The following COL25A1 variants were observed in gnomAD, a reference collection of about 807,000 sequenced individuals.
The protein encoded by COL25A1 is collagen type XXV alpha 1 chain.
In COL25A1, 103 loss-of-function variants were observed where a neutral mutation model predicts 128.4. The observed-to-expected ratio is 0.80, with a 90% CI of 0.68 to 0.94. The LOEUF is 0.94. Among genes scored for constraint, COL25A1 ranks in the 40% least tolerant of loss-of-function variants. COL25A1 has a pLI of 0.00. For missense variants in COL25A1, 745 were observed against 840.0 expected, an observed-to-expected ratio of 0.89 and a Z score of 1.40; for synonymous variants, 279 against 277.2, an observed-to-expected ratio of 1.01 and a Z score of -0.06.
intron 37 of COL25A1, 39 bp downstream of exon 37, chr4:108,817,358 G>A (rs1436775046): frequency 1.2e-6 from 2 of 1,602,024 alleles, no homozygotes; most frequent in South Asian, 1.1e-5. Flanking sequence ...AAGAGAAAGG[G>A]AGAGTGCTTC....
At chr4:108,981,651 T>C (rs543270728) in intron 6 of COL25A1, among the ~76,000 whole-genome samples, 6 of 152,302 alleles carry the variant, frequency 3.9e-5, no homozygotes, top group Non-Finnish European at 7.4e-5. Flanking sequence ...CCGATGCAGA[T>C]TGAAATCCTG....
intron 3 of COL25A1, among the ~76,000 whole-genome samples, chr4:109,124,096 T>C (rs80206727): frequency 0.032 from 4,880 of 152,228 alleles, 142 homozygotes; most frequent in South Asian, 0.12. Context: ...CTACTTTCTA[T>C]TATTTTACTA....
At chr4:108,969,704 A>G (rs1053993134) in intron 8 of COL25A1, among the ~76,000 whole-genome samples, 1 of 151,936 alleles carries the variant, frequency 6.6e-6, no homozygotes, top group South Asian at 2.1e-4. Flanking sequence ...CTTGCCTCCA[A>G]TGATACCTGA....
intron 3 of COL25A1, among the ~76,000 whole-genome samples, chr4:109,090,706 T>C (rs1579332862): frequency 7.6e-6 from 1 of 131,546 alleles, no homozygotes; most frequent in Admixed American, 1.1e-4. Context: ...AACTGGAATA[T>C]TATCAGTTTA....
chr4:109,019,193 T>C (rs1757471536), intron 5 of COL25A1, among the ~76,000 whole-genome samples: 2 of 151,924 alleles, frequency 1.3e-5, no homozygotes. Flanking sequence ...CCTCCTGCAC[T>C]GGATGCTTCC....
rs148162803 is a variant in COL25A1, at chr4:108,988,803, C to T, written c.439-14244G>A. 2.6e-5 allele frequency among the ~76,000 whole-genome samples: 4 copies of T among 152,370 alleles called. No individual in the cohort carries two copies. In the East Asian group the frequency reaches 7.7e-4, roughly 29 times the overall value. On this transcript the variant is annotated intron_variant, in intron 6 of 37. Coordinates refer to ENST00000399132, the MANE Select transcript of COL25A1 (RefSeq NM_198721.4). ...CACATGCTCACCATTTCTCCCTTAG[C>T]TTCACTGGCAACACTTTTCCTCTGG...
At chr4:109,048,024 G>A (rs1248366696) in intron 5 of COL25A1, 144 bp downstream of exon 5, 21 of 876,398 alleles carry the variant, frequency 2.4e-5, no homozygotes, top group East Asian at 1.7e-4. Context: ...GAGCCACCGC[G>A]ACTGACCACT....
intron 6 of COL25A1, among the ~76,000 whole-genome samples, chr4:108,984,343 A>C (rs561579197): frequency 6.6e-6 from 1 of 152,318 alleles, no homozygotes; most frequent in African/African-American, 2.4e-5. Flanking sequence ...TGGATCCCGC[A>C]CAGGGGCTGC....
At chr4:109,036,621 T>C (rs1197987366) in intron 5 of COL25A1, among the ~76,000 whole-genome samples, 1 of 152,186 alleles carries the variant, frequency 6.6e-6, no homozygotes, top group Non-Finnish European at 1.5e-5. Context: ...ATATAGGGCA[T>C]ATTGAATAAT....
At chr4:109,198,459 T>C (rs552002690) in intron 3 of COL25A1, among the ~76,000 whole-genome samples, 35 of 152,354 alleles carry the variant, frequency 2.3e-4, no homozygotes, top group Middle Eastern at 3.4e-3. Context: ...AAAGGAACTT[T>C]ATTAATACTG....
At chr4:108,887,187 C>T (rs1288948) in intron 18 of COL25A1, among the ~76,000 whole-genome samples, 1,636 of 152,176 alleles carry the variant, frequency 0.011, 31 homozygotes, top group African/African-American at 0.037. Flanking sequence ...AACTCTCATG[C>T]TGAAAAAGAC....
At chr4:109,139,741 T>C (rs890025466) in intron 3 of COL25A1, among the ~76,000 whole-genome samples, 46 of 152,264 alleles carry the variant, frequency 3.0e-4, no homozygotes, top group Admixed American at 9.8e-4. Context: ...GTTACATATG[T>C]ATACATGTGC....
chr4:108,831,177 T>C (rs983478154), intron 32 of COL25A1, among the ~76,000 whole-genome samples: 2 of 151,772 alleles, frequency 1.3e-5, no homozygotes, highest in African/African-American at 4.8e-5. Flanking sequence ...TTTTGCAGCA[T>C]TCAGTATATA....
chr4:109,087,443 TG>T (rs1284776686), intron 3 of COL25A1, among the ~76,000 whole-genome samples: 1 of 152,110 alleles, frequency 6.6e-6, no homozygotes, highest in African/African-American at 2.4e-5. Flanking sequence ...GCCTAACTCA[TG>T]CCTTGAAATC....
At chr4:109,029,514 ATATAGT>A (rs1333961988) in intron 5 of COL25A1, among the ~76,000 whole-genome samples, 1 of 152,184 alleles carries the variant, frequency 6.6e-6, no homozygotes, top group Non-Finnish European at 1.5e-5. Flanking sequence ...TTATGGTAGT[ATATAGT>A]TATAATTGTT....
chr4:109,044,248 A>T (rs1760207977), intron 5 of COL25A1, among the ~76,000 whole-genome samples: 1 of 152,132 alleles, frequency 6.6e-6, no homozygotes, highest in Non-Finnish European at 1.5e-5. Flanking sequence ...AAATGATCTC[A>T]ATATGCAAGA....
At chr4:109,103,410 C>T (rs948275778) in intron 3 of COL25A1, among the ~76,000 whole-genome samples, 7 of 152,120 alleles carry the variant, frequency 4.6e-5, no homozygotes, top group African/African-American at 1.4e-4. Flanking sequence ...TTATTCTGCA[C>T]TATCTGTGTT....
chr4:109,155,505 T>A (rs911878539), intron 3 of COL25A1, among the ~76,000 whole-genome samples: 1 of 152,176 alleles, frequency 6.6e-6, no homozygotes, highest in Non-Finnish European at 1.5e-5. Context: ...CAAAATGGTA[T>A]CCTAGAAAGC....
At position 108,961,019 on chromosome 4, in the gene COL25A1, A is replaced by T. The variant is rs61607195; in HGVS notation, c.492+13348T>A. Among the ~76,000 whole-genome samples the T allele has an allele frequency of 7.4e-3, 1,121 of 152,298 alleles. 12 individuals carry two copies. Among genetic ancestry groups the T allele is most frequent in the African/African-American group, 0.025 (1,047 of 41,576 alleles). ...AATAGAAAAATACTTTTTAAAAAACAATTAATTAGAAGATGAGGAGCTTAA... is the reference window on the plus strand; with the variant it reads ...AATAGAAAAATACTTTTTAAAAAACTATTAATTAGAAGATGAGGAGCTTAA... On this transcript the variant is annotated intron_variant, in intron 8 of 37. Coordinates refer to ENST00000399132, the MANE Select transcript of COL25A1 (RefSeq NM_198721.4).
Sources: gnomAD v4.1 joint callset for allele counts (sites outside exome capture counted in the v4.1 genomes callset) on GRCh38, gnomAD v4.1.1 for gene constraint, MANE v1.5 for transcripts, NCBI Gene and HGNC (gene_info 2026-07-23, HGNC 2026-07-21) for gene names.